DENND2B: variants seen among roughly 807,000 people sequenced by gnomAD.
The protein encoded by DENND2B is DENN domain-containing protein 2B.
DENND2B carries 32 observed loss-of-function variants against 116.0 expected under a neutral mutation model. The ratio of observed to expected loss-of-function variants is 0.28; its 90% CI spans 0.21 to 0.37. The LOEUF (loss-of-function observed/expected upper bound fraction) is 0.37, where lower values mean the gene tolerates loss of function less well. Ranked by LOEUF, DENND2B falls within the 10% of genes least tolerant of loss-of-function variation. The pLI, the probability that DENND2B is intolerant of heterozygous loss-of-function variation, is 1.00. For synonymous variants in DENND2B, 588 were observed against 583.9 expected, an observed-to-expected ratio of 1.01 and a Z score of -0.10; for missense variants, 1,276 against 1,477.7, an observed-to-expected ratio of 0.86 and a Z score of 2.24.
At chr11:8,774,211 C>G (rs1165431725) in intron 1 of DENND2B, 10 of 985,346 alleles carry the variant, frequency 1.0e-5, no homozygotes, top group Non-Finnish European at 1.1e-5. Context: ...CAGCTGGAGA[C>G]CCTACCTCCA....
At chr11:8,892,779 C>A (rs1478221693) in intron 1 of DENND2B, among the ~76,000 whole-genome samples, 10 of 152,060 alleles carry the variant, frequency 6.6e-5, no homozygotes, top group Admixed American at 5.9e-4. Flanking sequence ...AAAAAAAGTC[C>A]AGGACCAAAT....
rs77856631 is a variant in DENND2B at position 8,767,133 on chromosome 11, G to A, written c.-25-16408C>T. Among the ~76,000 whole-genome samples, 512 of 152,314 alleles carry A rather than the reference G, an allele frequency of 3.4e-3. 4 individuals are homozygous for A. The highest frequency in any genetic ancestry group is 0.011 in the African/African-American group (476 of 41,570). Reference sequence around the variant, plus strand: ...GAACACTCCCTGGAAATTAATGCGTGGGAGGTGGTATTCTGTTGTGGACTC... The same window carrying A: ...GAACACTCCCTGGAAATTAATGCGTAGGAGGTGGTATTCTGTTGTGGACTC... On this transcript the variant is annotated intron_variant, in intron 1 of 19. Transcript: ENST00000313726.
intron 1 of DENND2B, among the ~76,000 whole-genome samples, chr11:8,884,649 A>G (rs1040382459): frequency 1.3e-5 from 2 of 152,196 alleles, no homozygotes; most frequent in Non-Finnish European, 2.9e-5. Flanking sequence ...AAACAGAGAT[A>G]AGTCACAGAA....
At chr11:8,885,824 G>T (rs2063954186) in intron 1 of DENND2B, among the ~76,000 whole-genome samples, 1 of 152,078 alleles carries the variant, frequency 6.6e-6, no homozygotes, top group Non-Finnish European at 1.5e-5. Flanking sequence ...TTTTGGAAAT[G>T]GTGACAACTA....
At chr11:8,767,504 C>T (rs546916553) in intron 1 of DENND2B, among the ~76,000 whole-genome samples, 1 of 152,256 alleles carries the variant, frequency 6.6e-6, no homozygotes, top group Non-Finnish European at 1.5e-5. Flanking sequence ...TTACAGAATA[C>T]GTTCCAGAGG....
At chr11:8,810,947 G>C (rs1164402940), upstream of DENND2B, 2 of 220,406 alleles carry the variant, frequency 9.1e-6, no homozygotes, top group Non-Finnish European at 1.8e-5. Flanking sequence ...GCTCTGAACT[G>C]CTCCTGGGAA....
chr11:8,870,628 C>CA (rs1472909573), intron 2 of DENND2B, among the ~76,000 whole-genome samples: 1 of 152,036 alleles, frequency 6.6e-6, no homozygotes, highest in African/African-American at 2.4e-5. Flanking sequence ...TGCGCAGAGC[C>CA]AGCTCCCAGG....
chr11:8,755,091 G>A (rs2053378122), intron 1 of DENND2B, among the ~76,000 whole-genome samples: 1 of 152,188 alleles, frequency 6.6e-6, no homozygotes, highest in Non-Finnish European at 1.5e-5. Flanking sequence ...GAGTGGGTGT[G>A]AGTGACAACA....
rs571915237 is a variant in DENND2B at position 8,701,588 on chromosome 11, G to A, written c.2720+984C>T. 1.2e-4 allele frequency among the ~76,000 whole-genome samples: 19 copies of A among 152,028 alleles called. No individual in the cohort carries two copies. In the South Asian group the frequency reaches 4.0e-3, roughly 32 times the overall value. ...TCCGCTCCTTAAAACCACTCCACGT[G>A]TGTCGGTGTCGTTTTATCTAAACCA... On this transcript the variant is annotated intron_variant, in intron 14 of 19. Coordinates refer to ENST00000313726, the MANE Select transcript of DENND2B (RefSeq NM_213618.2).
intron 3 of DENND2B, among the ~76,000 whole-genome samples, chr11:8,852,162 G>C (rs1347339313): frequency 6.6e-6 from 1 of 152,182 alleles, no homozygotes; most frequent in Non-Finnish European, 1.5e-5. Context: ...AAATGAAAGC[G>C]CCTACTATGT....
At chr11:8,820,852 C>A (rs566826510) in intron 4 of DENND2B, among the ~76,000 whole-genome samples, 1 of 152,160 alleles carries the variant, frequency 6.6e-6, no homozygotes, top group East Asian at 1.9e-4. Context: ...CTGGGTGCAG[C>A]GGCTCACATC....
At chr11:8,704,355 G>A (rs964614322) in intron 13 of DENND2B, among the ~76,000 whole-genome samples, 1 of 152,224 alleles carries the variant, frequency 6.6e-6, no homozygotes, top group Non-Finnish European at 1.5e-5. Flanking sequence ...TAGGCAAAAG[G>A]AAGTAGGGTT....
At chr11:8,840,993 T>C (rs928127583) in intron 3 of DENND2B, among the ~76,000 whole-genome samples, 2 of 152,116 alleles carry the variant, frequency 1.3e-5, no homozygotes, top group African/African-American at 4.8e-5. Context: ...GAAAAAGGCA[T>C]GAAACAAGCT....
chr11:8,697,298 G>A (rs2040537049), intron 17 of DENND2B, among the ~76,000 whole-genome samples: 1 of 152,260 alleles, frequency 6.6e-6, no homozygotes, highest in Non-Finnish European at 1.5e-5. Flanking sequence ...CTCAGAAGGA[G>A]GAATAATTAG....
intron 2 of DENND2B, among the ~76,000 whole-genome samples, chr11:8,864,019 A>AG (rs1259584991): frequency 6.6e-6 from 1 of 152,116 alleles, no homozygotes; most frequent in Non-Finnish European, 1.5e-5. Flanking sequence ...TCCTAATTCA[A>AG]GGGGATATTA....
At chr11:8,904,168 A>G (rs941285182) in intron 1 of DENND2B, among the ~76,000 whole-genome samples, 1 of 152,162 alleles carries the variant, frequency 6.6e-6, no homozygotes, top group Non-Finnish European at 1.5e-5. Context: ...ATATACACAG[A>G]AAAATCCTCA....
At chr11:8,826,600 C>T (rs930653621) in intron 4 of DENND2B, among the ~76,000 whole-genome samples, 2 of 152,148 alleles carry the variant, frequency 1.3e-5, no homozygotes, top group Non-Finnish European at 2.9e-5. Flanking sequence ...ATTCAACATC[C>T]GGTTCTTATC....
intron 1 of DENND2B, among the ~76,000 whole-genome samples, chr11:8,895,751 G>A (rs2064093908): frequency 1.3e-5 from 2 of 152,094 alleles, no homozygotes; most frequent in African/African-American, 4.8e-5. Context: ...ATTTTATTTT[G>A]TGTGTTTTTT....
chr11:8,750,850 C>T (rs182843502), intron 1 of DENND2B, 125 bp from the exon 2 acceptor site: 1 of 764,606 alleles, frequency 1.3e-6, no homozygotes, highest in East Asian at 2.6e-5. Context: ...AACTGCTTTC[C>T]CACTTAATGT....
Sources: allele counts gnomAD v4.1 joint callset (sites outside exome capture counted in the v4.1 genomes callset), GRCh38; gene constraint gnomAD v4.1.1; transcripts MANE v1.5; gene names NCBI Gene and HGNC (gene_info 2026-07-23, HGNC 2026-07-21).